The following CEP290 variants were observed in gnomAD, a reference collection of about 807,000 sequenced individuals.
CEP290 encodes centrosomal protein 290, also known as centrosomal protein of 290 kDa.
Under a neutral mutation model 344.9 loss-of-function variants are expected in CEP290, and 317 were observed. The ratio of observed to expected loss-of-function variants is 0.92; its 90% CI spans 0.84 to 1.01. The LOEUF (loss-of-function observed/expected upper bound fraction) is 1.01, where lower values mean the gene tolerates loss of function less well. CEP290 is among the 50% of genes least tolerant of loss of function. The probability of loss-of-function intolerance (pLI) is 0.00; values close to 1 mark genes in which losing one functional copy is unlikely to be tolerated. For missense variants in CEP290, 2,754 were observed against 2,761.4 expected (o/e 1.00, Z 0.06); for synonymous variants, 932 against 895.8 (o/e 1.04, Z -0.72).
intron 6 of CEP290, chr12:88,136,267 A>G (rs575451036): frequency 1.2e-4 from 24 of 202,258 alleles, no homozygotes; most frequent in African/African-American, 5.5e-4. Context: ...TCATATAAAT[A>G]CATTGAAATG....
intron 24 of CEP290, 34 bp downstream of exon 24, chr12:88,106,962 T>C (rs1404748230): frequency 3.2e-6 from 5 of 1,539,198 alleles, no homozygotes; most frequent in Non-Finnish European, 4.4e-6. Context: ...CTTTGTACAA[T>C]ATTGCATACT....
At chr12:88,071,663 T>C in intron 42 of CEP290, 118 bp downstream of exon 42, 1 of 889,332 alleles carries the variant, frequency 1.1e-6, no homozygotes, top group Non-Finnish European at 1.6e-6. Flanking sequence ...TCATAGATAA[T>C]AAATGATCAT....
rs965040170 is a variant in CEP290, at chr12:88,076,897, G to A, written c.5709+325C>T. Among the ~76,000 whole-genome samples, 20 of 152,026 alleles carry A rather than the reference G, an allele frequency of 1.3e-4. 1 individual carries two copies. The highest frequency in any genetic ancestry group is 4.8e-4 in the African/African-American group (20 of 41,434). On this transcript the variant is annotated intron_variant, in intron 41 of 53. Transcript: ENST00000552810. ...AACCTGTGTAAATGATTACTTTGGA[G>A]AGAAATGATACACAGTTGAATATGT...
intron 45 of CEP290, 131 bp downstream of exon 45, chr12:88,063,850 A>G (rs2034677739): frequency 2.8e-6 from 2 of 719,256 alleles, no homozygotes; most frequent in Non-Finnish European, 4.4e-6. Flanking sequence ...GCAAATGTAT[A>G]AAGTATACCA....
intron 26 of CEP290, among the ~76,000 whole-genome samples, chr12:88,098,350 C>T (rs556195615): frequency 2.0e-5 from 3 of 151,574 alleles, no homozygotes; most frequent in Admixed American, 2.0e-4. Flanking sequence ...TGGCTCACAC[C>T]TGTAACCCCA....
At position 88,125,258 on chromosome 12, in the gene CEP290, G is replaced by A; in HGVS notation, c.1177C>T (p.Gln393Ter). The change falls in exon 13 of 54, where the codon CAA becomes TAA. Residue 393 changes from glutamine (Q) to a stop codon, truncating the protein, a stop_gained. Coordinates refer to ENST00000552810, the MANE Select transcript of CEP290 (RefSeq NM_025114.4). LOFTEE classifies it high-confidence loss of function. ...TTTATAAAAATACCTTTGTTTCTTT[G>A]GAGCTCATTTTTCAAATCTTCAATA... ...CIIEDLKNEL[Q>*]RNKGASTLSQ... 1.2e-6 allele frequency: 1 copy of A among 840,736 alleles called. No homozygotes were observed. Among genetic ancestry groups the A allele is most frequent in the South Asian group, 3.1e-5 (1 of 32,368 alleles). The allele number at this position is 840,736 out of a possible 1,614,324, so 52.1% of individuals were successfully genotyped here.
intron 26 of CEP290, among the ~76,000 whole-genome samples, chr12:88,097,709 T>G (rs1490386154): frequency 6.6e-6 from 1 of 151,990 alleles, no homozygotes; most frequent in Non-Finnish European, 1.5e-5. Context: ...ACGGCCTCAA[T>G]TTCTGAGTAT....
intron 11 of CEP290, among the ~76,000 whole-genome samples, chr12:88,127,227 C>T (rs962029871): frequency 6.6e-6 from 1 of 152,146 alleles, no homozygotes; most frequent in Non-Finnish European, 1.5e-5. Context: ...CAGAGTCACA[C>T]CTGTAATTCC....
chr12:88,073,919 C>T (rs1399025272), intron 41 of CEP290, among the ~76,000 whole-genome samples: 1 of 152,034 alleles, frequency 6.6e-6, no homozygotes, highest in Non-Finnish European at 1.5e-5. Context: ...CTAATAAGTG[C>T]CCTTTAAAAA....
chr12:88,139,094 T>C, intron 5 of CEP290, 51 bp downstream of exon 5: 1 of 933,764 alleles, frequency 1.1e-6, no homozygotes, highest in East Asian at 2.7e-5. Context: ...TGAAAACAAT[T>C]CAAAATAAAA....
At chr12:88,108,066 T>G (rs892049408) in intron 23 of CEP290, among the ~76,000 whole-genome samples, 1 of 152,058 alleles carries the variant, frequency 6.6e-6, no homozygotes, top group African/African-American at 2.4e-5. Context: ...TAGAACACCA[T>G]GTTGTATACC....
intron 11 of CEP290, 145 bp from the exon 12 acceptor site, chr12:88,126,583 G>T: frequency 2.0e-6 from 1 of 488,684 alleles, no homozygotes. Context: ...GCAACTACTG[G>T]CATAATCTCT....
At chr12:88,118,877 G>T (rs931936039) in intron 15 of CEP290, 134 bp from the exon 16 acceptor site, 5 of 566,128 alleles carry the variant, frequency 8.8e-6, no homozygotes, top group South Asian at 5.9e-5. Flanking sequence ...TTCTGTGAAA[G>T]AATTTTCCAG....
chr12:88,067,647 T>G (rs1411156807), intron 44 of CEP290, among the ~76,000 whole-genome samples: 1 of 152,202 alleles, frequency 6.6e-6, no homozygotes, highest in Admixed American at 6.5e-5. Context: ...CATTTTTATC[T>G]TTATCATTTT....
At chr12:88,068,768 C>A (rs1342736059) in intron 43 of CEP290, 123 bp from the exon 44 acceptor site, 4 of 888,708 alleles carry the variant, frequency 4.5e-6, no homozygotes, top group Non-Finnish European at 6.6e-6. Flanking sequence ...ATTTTAAATT[C>A]TTCAAACCTT....
chr12:88,093,480 A>G (rs1238080152), intron 28 of CEP290: 1 of 298,266 alleles, frequency 3.4e-6, no homozygotes. Flanking sequence ...CAATGAATAA[A>G]TATTTGTTAA....
chr12:88,101,600 C>A (rs561157638), intron 26 of CEP290, among the ~76,000 whole-genome samples: 3 of 146,730 alleles, frequency 2.0e-5, no homozygotes, highest in Non-Finnish European at 4.4e-5. Context: ...ATGCAGTAAG[C>A]GTTAAGCCGA....
chr12:88,130,178 T>G, intron 9 of CEP290, 90 bp downstream of exon 9: 1 of 1,268,422 alleles, frequency 7.9e-7, no homozygotes, highest in Middle Eastern at 2.0e-4. Context: ...ACCAGGGAAT[T>G]TACATGTAGG....
chr12:88,069,075 A>C (rs2035167892), intron 43 of CEP290, among the ~76,000 whole-genome samples: 1 of 152,172 alleles, frequency 6.6e-6, no homozygotes, highest in Non-Finnish European at 1.5e-5. Context: ...ATAATTTAAC[A>C]CTTCAAGTCT....
Sources: gnomAD v4.1 joint callset for allele counts (sites outside exome capture counted in the v4.1 genomes callset) on GRCh38, gnomAD v4.1.1 for gene constraint, MANE v1.5 for transcripts, NCBI Gene and HGNC (gene_info 2026-07-23, HGNC 2026-07-21) for gene names.